The following COL22A1 variants were observed in gnomAD, a reference collection of about 807,000 sequenced individuals.
COL22A1 encodes the protein collagen alpha-1(XXII) chain.
Under a neutral mutation model 248.9 loss-of-function variants are expected in COL22A1, and 221 were observed. The ratio of observed to expected loss-of-function variants is 0.89; its 90% CI spans 0.80 to 0.99. The LOEUF is 0.99. COL22A1 is among the 50% of genes least tolerant of loss of function. The pLI, the probability that COL22A1 is intolerant of heterozygous loss-of-function variation, is 0.00. For synonymous variants in COL22A1, 891 were observed against 793.4 expected (o/e 1.12, Z -2.07); for missense variants, 2,240 against 2,179.0 (o/e 1.03, Z -0.56).
At chr8:138,730,865 GC>G (rs1830658870) in intron 23 of COL22A1, among the ~76,000 whole-genome samples, 1 of 151,882 alleles carries the variant, frequency 6.6e-6, no homozygotes, top group African/African-American at 2.4e-5. Context: ...GGATGGAGCT[GC>G]TGAGCCATGG....
intron 63 of COL22A1, among the ~76,000 whole-genome samples, chr8:138,592,768 C>G (rs1231479029): frequency 1.3e-5 from 2 of 152,068 alleles, no homozygotes; most frequent in South Asian, 4.1e-4. Context: ...GGGCTGGTCT[C>G]CTGTCTTTTA....
chr8:138,721,652 G>T (rs1300870337), intron 26 of COL22A1, among the ~76,000 whole-genome samples: 3 of 151,974 alleles, frequency 2.0e-5, no homozygotes, highest in African/African-American at 7.3e-5. Context: ...ATAGTGCAAT[G>T]GCACAATCAT....
rs543756092 is a variant in COL22A1 at position 138,833,279 on chromosome 8, T to A, written c.734-129A>T. The A allele has an allele frequency of 1.2e-4, 75 of 646,600 alleles. No homozygotes were observed. In the African/African-American group the frequency reaches 1.3e-3, roughly 11 times the overall value. The allele number at this position is 646,600 out of a possible 1,614,324, so 40.1% of individuals were successfully genotyped here. On this transcript the variant is annotated intron_variant, in intron 4 of 64. Coordinates refer to ENST00000303045, the MANE Select transcript of COL22A1 (RefSeq NM_152888.3). ...CCAGGAGAACAGATCGGGAGGGAGT[T>A]GTTCAAATACATATTCAGGGAGAAA...
chr8:138,806,574 G>T (rs376971548), intron 10 of COL22A1, among the ~76,000 whole-genome samples: 1 of 152,122 alleles, frequency 6.6e-6, no homozygotes, highest in Non-Finnish European at 1.5e-5. Context: ...TCGCTCAGGC[G>T]AGTCATTTCA....
intron 52 of COL22A1, among the ~76,000 whole-genome samples, chr8:138,621,056 A>T (rs1359702547): frequency 6.6e-6 from 1 of 151,884 alleles, no homozygotes; most frequent in Admixed American, 6.6e-5. Context: ...CTGTCTATCC[A>T]TTTGTGCCCC....
At position 138,606,471 on chromosome 8, in the gene COL22A1, G is replaced by T. The variant is rs1818434298; in HGVS notation, c.4033-19C>A. On this transcript the variant is annotated intron_variant, in intron 57 of 64. Transcript: ENST00000303045. Reference sequence around the variant, plus strand: ...TCTGGCCCTGCAAAGAGAAAACTGAGAATTAATTCCTCAAGGTCACGTACC... The same window carrying T: ...TCTGGCCCTGCAAAGAGAAAACTGATAATTAATTCCTCAAGGTCACGTACC... 6.2e-7 allele frequency: 1 copy of T among 1,611,620 alleles called. No homozygotes were observed. The highest frequency in any genetic ancestry group is 8.5e-7 in the Non-Finnish European group (1 of 1,178,938).
Position 138,679,615 on chromosome 8 carries a change from AC to A in COL22A1, c.3072+1del, listed in dbSNP as rs767448103. The A allele has an allele frequency of 2.4e-5, 38 of 1,613,432 alleles. No individual in the cohort carries two copies. The highest frequency in any genetic ancestry group is 3.2e-5 in the Non-Finnish European group (38 of 1,179,602). On this transcript the variant is annotated splice_donor_variant, in intron 40 of 64. Transcript: ENST00000303045. LOFTEE classifies it high-confidence loss of function. ...CAAATGTTTGCATAGATCTTCACTG[AC>A]CTTAACACATTGCCCTCCCAGTGCA...
chr8:138,884,572 G>T (rs965415329), intron 1 of COL22A1, among the ~76,000 whole-genome samples: 1 of 152,136 alleles, frequency 6.6e-6, no homozygotes, highest in Admixed American at 6.6e-5. Flanking sequence ...AAGGGAGTAC[G>T]TCGGGAGCAA....
chr8:138,838,938 G>T (rs1820651293), intron 4 of COL22A1, among the ~76,000 whole-genome samples: 1 of 152,084 alleles, frequency 6.6e-6, no homozygotes, highest in Non-Finnish European at 1.5e-5. Context: ...ATCCAGCAAA[G>T]GTCGACCTGG....
intron 4 of COL22A1, among the ~76,000 whole-genome samples, chr8:138,836,489 C>T (rs1820440367): frequency 6.6e-6 from 1 of 152,186 alleles, no homozygotes; most frequent in Non-Finnish European, 1.5e-5. Context: ...TGAAACACAA[C>T]AGTTGCTCAC....
In COL22A1 at chr8:138,796,801, TA is replaced by T; in HGVS notation, c.1596+17del. ...GTCCCATTCCCTTGGAGGAGTGTGA[TA>T]AAAGGAAGATGCTTACCTTTTCACC... On this transcript the variant is annotated intron_variant, in intron 12 of 64. Coordinates refer to ENST00000303045, the MANE Select transcript of COL22A1 (RefSeq NM_152888.3). The T allele has an allele frequency of 1.9e-6, 3 of 1,562,318 alleles. No individual in the cohort carries two copies. Among genetic ancestry groups the T allele is most frequent in the Non-Finnish European group, 2.6e-6 (3 of 1,132,910 alleles).
chr8:138,808,985 C>A (rs147069696), intron 9 of COL22A1, among the ~76,000 whole-genome samples: 24 of 152,220 alleles, frequency 1.6e-4, no homozygotes, highest in African/African-American at 5.3e-4. Context: ...AGTTTTAAAC[C>A]ACTGGAAACA....
At chr8:138,655,306 A>G (rs1823140877) in intron 45 of COL22A1, among the ~76,000 whole-genome samples, 1 of 152,072 alleles carries the variant, frequency 6.6e-6, no homozygotes, top group South Asian at 2.1e-4. Context: ...TGCAGCTATT[A>G]AGTATGTGTA....
rs1215795653 is a variant in COL22A1 at position 138,877,979 on chromosome 8, C to G, written c.429G>C (p.Lys143Asn). ...AGGRPRDRAYKQVAILLTDGR... is the reference protein window; with the variant it reads ...AGGRPRDRAYNQVAILLTDGR... Reference sequence around the variant, plus strand: ...CGTCGGTGAGCAGGATGGCCACCTGCTTGTAGGCGCGGTCCCTGGGGCGGC... The same window carrying G: ...CGTCGGTGAGCAGGATGGCCACCTGGTTGTAGGCGCGGTCCCTGGGGCGGC... Residue 143 changes from lysine to asparagine, a missense_variant, in exon 3 of 65, where the codon AAG (lysine) becomes AAC (asparagine). Transcript: ENST00000303045. 1.3e-6 allele frequency: 2 copies of G among 1,589,094 alleles called. No homozygotes were observed. Among genetic ancestry groups the G allele is most frequent in the East Asian group, 4.6e-5 (2 of 43,446 alleles).
intron 7 of COL22A1, among the ~76,000 whole-genome samples, chr8:138,820,640 CAAGG>C (rs1305201289): frequency 6.6e-6 from 1 of 151,916 alleles, no homozygotes; most frequent in African/African-American, 2.4e-5. Flanking sequence ...TTTTTACAAT[CAAGG>C]AAGAAGGAAA....
intron 41 of COL22A1, among the ~76,000 whole-genome samples, chr8:138,669,530 T>C (rs1824826752): frequency 6.6e-6 from 1 of 152,178 alleles, no homozygotes; most frequent in Non-Finnish European, 1.5e-5. Context: ...GGCTGTCTTC[T>C]CGCTTAGAAA....
chr8:138,882,748 A>G (rs1372466653), intron 2 of COL22A1, among the ~76,000 whole-genome samples: 5 of 148,882 alleles, frequency 3.4e-5, no homozygotes, highest in African/African-American at 1.2e-4. Flanking sequence ...AAACTCACAC[A>G]CATTCCCTCT....
At chr8:138,836,740 C>T (rs1464033503) in intron 4 of COL22A1, among the ~76,000 whole-genome samples, 1 of 152,174 alleles carries the variant, frequency 6.6e-6, no homozygotes, top group Non-Finnish European at 1.5e-5. Flanking sequence ...GATCATATTT[C>T]CCCCAATTCT....
intron 1 of COL22A1, among the ~76,000 whole-genome samples, chr8:138,902,785 CTA>C (rs1349192603): frequency 9.6e-5 from 14 of 145,512 alleles, no homozygotes; most frequent in African/African-American, 3.6e-4. Context: ...CACACACACA[CTA>C]GAACTGACTG....
Sources: gnomAD v4.1 joint callset for allele counts (sites outside exome capture counted in the v4.1 genomes callset) on GRCh38, gnomAD v4.1.1 for gene constraint, MANE v1.5 for transcripts, NCBI Gene and HGNC (gene_info 2026-07-23, HGNC 2026-07-21) for gene names.